PPP2R5E: variants seen among roughly 807,000 people sequenced by gnomAD.
PPP2R5E encodes the protein serine/threonine-protein phosphatase 2A 56 kDa regulatory subunit epsilon isoform.
Under a neutral mutation model 65.3 loss-of-function variants are expected in PPP2R5E, and 4 were observed. The observed-to-expected ratio is 0.06, with a 90% CI of 0.03 to 0.14. PPP2R5E has a LOEUF of 0.14. Ranked by LOEUF, PPP2R5E falls within the 10% of genes least tolerant of loss-of-function variation. The pLI is 1.00. For synonymous variants in PPP2R5E, 183 were observed against 187.4 expected, an observed-to-expected ratio of 0.98 and a Z score of 0.19; for missense variants, 274 against 556.1, an observed-to-expected ratio of 0.49 and a Z score of 5.10.
chr14:63,542,464 G>C (rs1893939738), intron 1 of PPP2R5E, among the ~76,000 whole-genome samples: 1 of 152,114 alleles, frequency 6.6e-6, no homozygotes, highest in South Asian at 2.1e-4. Flanking sequence ...TAAGCTGCTA[G>C]AGAATCCTCC....
chr14:63,491,070 T>C (rs148143492), intron 2 of PPP2R5E, among the ~76,000 whole-genome samples: 1 of 151,942 alleles, frequency 6.6e-6, no homozygotes, highest in African/African-American at 2.4e-5. Context: ...TGAAATCACG[T>C]CCTTTGCAAC....
chr14:63,433,471 G>T (rs1399977297), intron 3 of PPP2R5E, among the ~76,000 whole-genome samples: 2 of 152,058 alleles, frequency 1.3e-5, no homozygotes, highest in Non-Finnish European at 1.5e-5. Flanking sequence ...TTTAAGTTTT[G>T]TCTTTAGGTC....
rs1883736829 is a variant in PPP2R5E at position 63,372,442 on chromosome 14, A to G, written c.*3567T>C. ...ATGTGCAAATAAAACATCAGTGATC[A>G]TGTCTGGTGCCACCTTTTTGTTACA... is the stretch of plus-strand genomic sequence containing the variant. On this transcript the variant is annotated 3_prime_UTR_variant, in exon 14 of 14. Transcript: ENST00000337537. 6.6e-6 allele frequency: 1 copy of G among 152,198 alleles called. No individual in the cohort carries two copies. Among genetic ancestry groups the G allele is most frequent in the Non-Finnish European group, 1.5e-5 (1 of 68,020 alleles). The allele number at this position is 152,198 out of a possible 1,614,324, so 9.4% of individuals were successfully genotyped here. A position where few individuals can be genotyped will look rare whatever the true frequency, so the allele number is the denominator to read the frequency against.
At chr14:63,528,256 A>AT (rs1238140121) in intron 2 of PPP2R5E, among the ~76,000 whole-genome samples, 1 of 152,206 alleles carries the variant, frequency 6.6e-6, no homozygotes, top group Non-Finnish European at 1.5e-5. Flanking sequence ...TAAGTTTTAC[A>AT]AATCAGAGAA....
At chr14:63,408,158 C>T (rs1410527864) in intron 5 of PPP2R5E, among the ~76,000 whole-genome samples, 1 of 152,142 alleles carries the variant, frequency 6.6e-6, no homozygotes, top group African/African-American at 2.4e-5. Flanking sequence ...GAATATTTCA[C>T]TATATGAATG....
At chr14:63,388,971 A>T (rs1212075315) in intron 11 of PPP2R5E, among the ~76,000 whole-genome samples, 7 of 152,134 alleles carry the variant, frequency 4.6e-5, no homozygotes, top group Non-Finnish European at 1.0e-4. Context: ...CACTGCAGCC[A>T]TGGCCCCAAG....
intron 2 of PPP2R5E, among the ~76,000 whole-genome samples, chr14:63,502,099 A>G (rs748044991): frequency 5.9e-5 from 9 of 152,072 alleles, no homozygotes; most frequent in Non-Finnish European, 8.8e-5. Context: ...TTCACCATGT[A>G]GGCCAAGCTG....
chr14:63,428,065 G>A (rs1258796549), intron 3 of PPP2R5E, among the ~76,000 whole-genome samples: 1 of 151,844 alleles, frequency 6.6e-6, no homozygotes, highest in African/African-American at 2.4e-5. Context: ...CTCCTTCCGA[G>A]TTTTTTTGCC....
At chr14:63,446,673 C>T (rs1397007110) in intron 3 of PPP2R5E, among the ~76,000 whole-genome samples, 4 of 151,562 alleles carry the variant, frequency 2.6e-5, no homozygotes, top group African/African-American at 9.7e-5. Context: ...ACTAAAAATA[C>T]AAAAAATTAT....
intron 2 of PPP2R5E, among the ~76,000 whole-genome samples, chr14:63,494,058 G>T (rs1430357469): frequency 1.3e-5 from 2 of 152,038 alleles, no homozygotes; most frequent in Non-Finnish European, 2.9e-5. Flanking sequence ...CCACTTTTAA[G>T]AATGTATCCT....
At chr14:63,424,905 G>A (rs770724521) in intron 3 of PPP2R5E, among the ~76,000 whole-genome samples, 10 of 152,158 alleles carry the variant, frequency 6.6e-5, no homozygotes, top group Non-Finnish European at 1.3e-4. Context: ...TTAAGGAAGA[G>A]GTCAAGAGCA....
At chr14:63,473,415 C>T (rs1299869171) in intron 2 of PPP2R5E, among the ~76,000 whole-genome samples, 1 of 152,110 alleles carries the variant, frequency 6.6e-6, no homozygotes, top group Non-Finnish European at 1.5e-5. Flanking sequence ...CAGCTAGAGA[C>T]AAGCTAAAGA....
chr14:63,471,683 C>G (rs1208167631), intron 2 of PPP2R5E, among the ~76,000 whole-genome samples: 1 of 152,144 alleles, frequency 6.6e-6, no homozygotes, highest in Non-Finnish European at 1.5e-5. Flanking sequence ...TAGCAACTTG[C>G]CCACCATCAC....
chr14:63,388,012 C>A (rs1038213720), intron 11 of PPP2R5E, among the ~76,000 whole-genome samples: 1 of 152,154 alleles, frequency 6.6e-6, no homozygotes, highest in Admixed American at 6.5e-5. Context: ...AAATAAATGT[C>A]GTTTAAGTCG....
intron 2 of PPP2R5E, among the ~76,000 whole-genome samples, chr14:63,488,107 C>A (rs772267099): frequency 4.1e-4 from 63 of 152,328 alleles, no homozygotes; most frequent in Non-Finnish European, 7.6e-4. Flanking sequence ...ATCTCACCCA[C>A]ACACCTACTT....
At chr14:63,523,419 G>C (rs970709296) in intron 2 of PPP2R5E, among the ~76,000 whole-genome samples, 1 of 152,108 alleles carries the variant, frequency 6.6e-6, no homozygotes, top group Non-Finnish European at 1.5e-5. Flanking sequence ...CCCCAACCCT[G>C]TGCTCTCTGA....
chr14:63,527,062 G>A (rs987137441), intron 2 of PPP2R5E, among the ~76,000 whole-genome samples: 3 of 152,148 alleles, frequency 2.0e-5, no homozygotes, highest in African/African-American at 7.2e-5. Context: ...CCAGCTACTC[G>A]GGAGGCTGAG....
intron 2 of PPP2R5E, among the ~76,000 whole-genome samples, chr14:63,459,889 G>A (rs954716034): frequency 6.6e-6 from 1 of 152,168 alleles, no homozygotes; most frequent in Admixed American, 6.5e-5. Context: ...GAAGGTCCCT[G>A]GAAACATTTA....
rs200254828 is a variant in PPP2R5E, at chr14:63,467,242, AC to A, written c.158-13358del. Among the ~76,000 whole-genome samples the A allele has an allele frequency of 3.6e-4, 50 of 139,566 alleles. 2 individuals carry two copies. In the South Asian group the frequency reaches 3.9e-3, roughly 11 times the overall value. 91.6% of individuals were successfully genotyped at this position (139,566 alleles called of 152,430 possible). A position where few individuals can be genotyped will look rare whatever the true frequency, so the allele number is the denominator to read the frequency against. ...CGTCTCAAAAAAAACAAACAAACAA[AC>A]AAAAAAAACACTATTTACAACATGT... On this transcript the variant is annotated intron_variant, in intron 2 of 13. Transcript: ENST00000337537.
Sources: gnomAD v4.1 joint callset for allele counts (sites outside exome capture counted in the v4.1 genomes callset) on GRCh38, gnomAD v4.1.1 for gene constraint, MANE v1.5 for transcripts, NCBI Gene and HGNC (gene_info 2026-07-23, HGNC 2026-07-21) for gene names.